The following NRXN3 variants were observed in gnomAD, a reference collection of about 807,000 sequenced individuals.
The protein encoded by NRXN3 is neurexin 3, also known as neurexin III.
NRXN3 carries 32 observed loss-of-function variants against 137.6 expected under a neutral mutation model. That is an observed-to-expected ratio of 0.23 (90% CI 0.18 to 0.31). The LOEUF (loss-of-function observed/expected upper bound fraction) is 0.31, where lower values mean the gene tolerates loss of function less well. NRXN3 is among the 10% of genes least tolerant of loss of function. The pLI is 1.00. For synonymous variants in NRXN3, 798 were observed against 784.5 expected, an observed-to-expected ratio of 1.02 and a Z score of -0.29; for missense variants, 1,574 against 2,062.5, an observed-to-expected ratio of 0.76 and a Z score of 4.59.
At chr14:79,588,879 A>G (rs1305608131) in intron 16 of NRXN3, among the ~76,000 whole-genome samples, 2 of 152,220 alleles carry the variant, frequency 1.3e-5, no homozygotes, top group Non-Finnish European at 2.9e-5. Context: ...CACATCATGG[A>G]AGATAGATAG....
At chr14:79,383,912 T>C (rs896367797) in intron 15 of NRXN3, among the ~76,000 whole-genome samples, 4 of 152,226 alleles carry the variant, frequency 2.6e-5, no homozygotes, top group Admixed American at 2.6e-4. Context: ...CTTTATAATG[T>C]AACAGCTTTA....
chr14:78,743,480 A>G (rs1369745253), intron 8 of NRXN3, among the ~76,000 whole-genome samples: 2 of 152,190 alleles, frequency 1.3e-5, no homozygotes, highest in African/African-American at 4.8e-5. Flanking sequence ...TCCAAATTCT[A>G]TTCCTTTTGT....
At chr14:79,011,492 A>T (rs1230714361) in intron 15 of NRXN3, among the ~76,000 whole-genome samples, 1 of 151,556 alleles carries the variant, frequency 6.6e-6, no homozygotes, top group Non-Finnish European at 1.5e-5. Flanking sequence ...GAGTTTGTTC[A>T]GTTTGGGTTT....
chr14:79,690,509 C>G (rs1284801042), intron 17 of NRXN3, among the ~76,000 whole-genome samples: 1 of 152,052 alleles, frequency 6.6e-6, no homozygotes, highest in African/African-American at 2.4e-5. Context: ...TTTTATTTTT[C>G]AATACATTAA....
intron 10 of NRXN3, among the ~76,000 whole-genome samples, chr14:78,822,462 G>T (rs904327650): frequency 1.3e-5 from 2 of 151,904 alleles, no homozygotes; most frequent in Non-Finnish European, 2.9e-5. Context: ...ATCACTTGAG[G>T]TCAGGAGTTC....
intron 16 of NRXN3, among the ~76,000 whole-genome samples, chr14:79,560,174 C>T (rs973011515): frequency 6.6e-6 from 1 of 152,002 alleles, no homozygotes; most frequent in Non-Finnish European, 1.5e-5. Context: ...TAATAATGTT[C>T]GCTATGAATG....
chr14:79,256,230 C>T (rs567087994), intron 15 of NRXN3, among the ~76,000 whole-genome samples: 35 of 152,072 alleles, frequency 2.3e-4, no homozygotes, highest in Non-Finnish European at 4.3e-4. Flanking sequence ...ATTTTGGCCA[C>T]TTAAAGGAAT....
At chr14:78,998,978 T>C (rs1026747607) in intron 15 of NRXN3, among the ~76,000 whole-genome samples, 2 of 152,178 alleles carry the variant, frequency 1.3e-5, no homozygotes, top group Non-Finnish European at 2.9e-5. Context: ...GTGGTTCTTA[T>C]TATTTTCTTC....
At position 79,617,917 on chromosome 14, in the gene NRXN3, C is replaced by CAAAAAAAAAA. The variant is rs1162153685; in HGVS notation, c.3445-45855_3445-45846dup. ...TTCAGAGATAGGAGCTGAATAGCAG[C>CAAAAAAAAAA]AAAAAAAAAAAAAAACATGCTTATG... On this transcript the variant is annotated intron_variant, in intron 16 of 20. Transcript: ENST00000335750. Among the ~76,000 whole-genome samples the CAAAAAAAAAA allele has an allele frequency of 1.3e-3, 115 of 91,236 alleles. 5 individuals carry two copies. Among genetic ancestry groups the CAAAAAAAAAA allele is most frequent in the African/African-American group, 4.6e-3 (79 of 17,196 alleles). The allele number at this position is 91,236 out of a possible 152,430, so 59.9% of individuals were successfully genotyped here.
At chr14:79,580,625 A>G (rs1467147588) in intron 16 of NRXN3, among the ~76,000 whole-genome samples, 12 of 152,144 alleles carry the variant, frequency 7.9e-5, no homozygotes, top group Admixed American at 5.9e-4. Flanking sequence ...GAAGGCAGCT[A>G]TAAATAGCAT....
chr14:79,632,540 T>C (rs221483), intron 16 of NRXN3: 40,104 of 152,038 alleles, frequency 0.26, 5,963 homozygotes, highest in African/African-American at 0.4. Context: ...CAGGAAGGAA[T>C]CATATGTGGT....
intron 4 of NRXN3, among the ~76,000 whole-genome samples, chr14:78,374,881 T>C (rs1197832138): frequency 6.6e-6 from 1 of 152,036 alleles, no homozygotes; most frequent in Non-Finnish European, 1.5e-5. Context: ...TGTTCTATAA[T>C]CACAATCACC....
intron 4 of NRXN3, among the ~76,000 whole-genome samples, chr14:78,328,148 A>G (rs2080331019): frequency 6.6e-6 from 1 of 151,946 alleles, no homozygotes; most frequent in Admixed American, 6.6e-5. Flanking sequence ...GGCTCCTAAG[A>G]CTCATCTTGC....
chr14:79,413,358 T>C (rs1351738871), intron 15 of NRXN3, among the ~76,000 whole-genome samples: 3 of 152,156 alleles, frequency 2.0e-5, no homozygotes, highest in South Asian at 2.1e-4. Flanking sequence ...CCTCCTTCCA[T>C]CTGTGCTGTT....
intron 15 of NRXN3, among the ~76,000 whole-genome samples, chr14:79,380,466 C>T (rs1314440569): frequency 6.6e-6 from 1 of 151,244 alleles, no homozygotes. Flanking sequence ...TCTGTCCTTG[C>T]GATAGTTTAC....
chr14:78,963,167 C>CT (rs79834368), intron 11 of NRXN3, among the ~76,000 whole-genome samples: 49,822 of 149,674 alleles, frequency 0.33, 10,679 homozygotes, highest in African/African-American at 0.61. Context: ...TCAATAAACA[C>CT]TTTTTTTTTT....
intron 16 of NRXN3, among the ~76,000 whole-genome samples, chr14:79,537,278 C>T (rs562321451): frequency 3.2e-4 from 48 of 151,388 alleles, no homozygotes; most frequent in Middle Eastern, 3.4e-3. Flanking sequence ...AGTGTCTGTT[C>T]GTGTCCTTTG....
intron 16 of NRXN3, among the ~76,000 whole-genome samples, chr14:79,567,771 G>A (rs2097563923): frequency 6.6e-6 from 1 of 152,046 alleles, no homozygotes; most frequent in East Asian, 1.9e-4. Flanking sequence ...TAACTGCGTG[G>A]GCTGGACTAT....
At chr14:78,848,904 G>A (rs1445530884) in intron 10 of NRXN3, among the ~76,000 whole-genome samples, 2 of 152,096 alleles carry the variant, frequency 1.3e-5, no homozygotes, top group Non-Finnish European at 1.5e-5. Context: ...AACAGATAAA[G>A]GAAATGAAAG....
Sources: allele counts gnomAD v4.1 joint callset (sites outside exome capture counted in the v4.1 genomes callset), GRCh38; gene constraint gnomAD v4.1.1; transcripts MANE v1.5; gene names NCBI Gene and HGNC (gene_info 2026-07-23, HGNC 2026-07-21).